Variants in RBFOX3 observed in about 807,000 individuals in gnomAD.
RBFOX3 encodes RNA binding fox-1 homolog 3, also known as RNA binding protein fox-1 homolog 3.
A neutral mutation model predicts 48.7 loss-of-function variants in RBFOX3; 17 were observed. That is an observed-to-expected ratio of 0.35 (90% confidence interval 0.24 to 0.52). The LOEUF is 0.52. RBFOX3 is among the 20% of genes least tolerant of loss of function. RBFOX3 has a pLI of 0.94. For synonymous variants in RBFOX3, 212 were observed against 209.5 expected, an observed-to-expected ratio of 1.01 and a Z score of -0.10; for missense variants, 382 against 497.5, an observed-to-expected ratio of 0.77 and a Z score of 2.21.
intron 1 of RBFOX3, among the ~76,000 whole-genome samples, chr17:79,547,965 C>T (rs1568403807): frequency 6.6e-6 from 1 of 152,182 alleles, no homozygotes; most frequent in Non-Finnish European, 1.5e-5. Context: ...CTGGCCATCC[C>T]CTGACCTCCT....
chr17:79,127,525 A>C (rs1029516436), intron 4 of RBFOX3, among the ~76,000 whole-genome samples: 3 of 152,144 alleles, frequency 2.0e-5, no homozygotes, highest in African/African-American at 7.2e-5. Context: ...TGCATATTAC[A>C]GGTCAAAGAA....
At chr17:79,599,479 A>C (rs1372721276) in intron 1 of RBFOX3, 6 of 152,250 alleles carry the variant, frequency 3.9e-5, no homozygotes, top group African/African-American at 1.4e-4. Flanking sequence ...GCACGCTGCT[A>C]TTCGTGCCGT....
At chr17:79,460,278 TA>T (rs1476876245) in intron 2 of RBFOX3, among the ~76,000 whole-genome samples, 7 of 150,454 alleles carry the variant, frequency 4.7e-5, no homozygotes, top group Non-Finnish European at 7.4e-5. Flanking sequence ...TTTACCTCAT[TA>T]AAAAAAAATG....
chr17:79,592,627 C>T (rs1010154366), intron 1 of RBFOX3, among the ~76,000 whole-genome samples: 4 of 152,150 alleles, frequency 2.6e-5, no homozygotes, highest in South Asian at 2.1e-4. Context: ...CTCCCACCTG[C>T]GCTGTGAACA....
the RBFOX3 span, among the ~76,000 whole-genome samples, chr17:79,651,504 A>G: frequency 2.0e-5 from 3 of 151,964 alleles, no homozygotes; most frequent in Non-Finnish European, 4.4e-5. Context: ...TCTGTGACTG[A>G]TGGAGTGTGG....
intron 1 of RBFOX3, among the ~76,000 whole-genome samples, chr17:79,581,292 A>C (rs1305986145): frequency 3.3e-5 from 5 of 152,164 alleles, no homozygotes; most frequent in Admixed American, 2.0e-4. Flanking sequence ...CCAAAAAAAA[A>C]CACCAGTGCA....
intron 2 of RBFOX3, among the ~76,000 whole-genome samples, chr17:79,444,843 T>C (rs1445094334): frequency 6.6e-6 from 1 of 152,124 alleles, no homozygotes; most frequent in African/African-American, 2.4e-5. Context: ...ATATTATATA[T>C]TCTTCCAGAA....
At chr17:79,518,808 G>A (rs1714094682) in intron 1 of RBFOX3, among the ~76,000 whole-genome samples, 1 of 152,254 alleles carries the variant, frequency 6.6e-6, no homozygotes, top group African/African-American at 2.4e-5. Context: ...GCCGCAGAGT[G>A]GTGTCTAGCT....
chr17:79,138,309 G>A (rs1043475548), intron 4 of RBFOX3, among the ~76,000 whole-genome samples: 1 of 150,182 alleles, frequency 6.7e-6, no homozygotes. Flanking sequence ...CGCACACTGT[G>A]TGGACTCACC....
chr17:79,356,356 T>G (rs1441381122), intron 2 of RBFOX3, among the ~76,000 whole-genome samples: 4 of 59,766 alleles, frequency 6.7e-5, no homozygotes, highest in South Asian at 7.2e-4. Context: ...AAGTTTTTTT[T>G]TTTTTTTTTT....
At chr17:79,606,241 T>C (rs952773152) in intron 1 of RBFOX3, among the ~76,000 whole-genome samples, 5 of 152,236 alleles carry the variant, frequency 3.3e-5, no homozygotes, top group Non-Finnish European at 7.3e-5. Context: ...AGAGGCCTGA[T>C]GACACCAAGC....
intron 2 of RBFOX3, among the ~76,000 whole-genome samples, chr17:79,356,687 T>A (rs1396746683): frequency 1.3e-5 from 2 of 151,136 alleles, no homozygotes; most frequent in African/African-American, 4.9e-5. Flanking sequence ...TTTTTTTTTT[T>A]ATGCCATCAG....
At position 79,363,759 on chromosome 17, in the gene RBFOX3, G is replaced by C. The variant is rs879534193; in HGVS notation, c.-174-55935C>G. Reference sequence around the variant, plus strand: ...GCCCTCCAGCCTCCATGCTCAGCCCGTCCGCCCCCCAGCAGCCTGGGTCTG... The same window carrying C: ...GCCCTCCAGCCTCCATGCTCAGCCCCTCCGCCCCCCAGCAGCCTGGGTCTG... On this transcript the variant is annotated intron_variant, in intron 2 of 14. Coordinates refer to ENST00000693108, the MANE Select transcript of RBFOX3 (RefSeq NM_001350451.2). This position sits in a 1 kb window ranked among gnomAD's most constrained non-coding sequence, Gnocchi z 4.7. 6.6e-6 allele frequency among the ~76,000 whole-genome samples: 1 copy of C among 151,874 alleles called. No individual in the cohort carries two copies. The highest frequency in any genetic ancestry group is 2.4e-5 in the African/African-American group (1 of 41,318).
intron 4 of RBFOX3, among the ~76,000 whole-genome samples, chr17:79,216,286 C>T (rs1030436736): frequency 6.6e-6 from 1 of 152,206 alleles, no homozygotes; most frequent in Non-Finnish European, 1.5e-5. Flanking sequence ...GTGGTCTCTG[C>T]GGTGTGTGGC....
intron 4 of RBFOX3, among the ~76,000 whole-genome samples, chr17:79,191,570 C>T (rs1027916781): frequency 1.3e-5 from 2 of 152,192 alleles, no homozygotes; most frequent in Admixed American, 6.5e-5. Flanking sequence ...CCTGGGGAGG[C>T]CGATGCACTG....
chr17:79,503,582 C>G (rs2082657671), intron 1 of RBFOX3, among the ~76,000 whole-genome samples: 1 of 152,204 alleles, frequency 6.6e-6, no homozygotes, highest in Non-Finnish European at 1.5e-5. Context: ...GCCAGCCTGT[C>G]TCCACCCAAA....
At chr17:79,654,744 G>A in the RBFOX3 span, among the ~76,000 whole-genome samples, 4 of 152,282 alleles carry the variant, frequency 2.6e-5, no homozygotes, top group Admixed American at 6.5e-5. Context: ...TTTTTAAAAT[G>A]CTATCTCATT....
chr17:79,453,572 C>G lies in RBFOX3; in HGVS notation c.-175+28882G>C, dbSNP rs1213611351. On this transcript the variant is annotated intron_variant, in intron 2 of 14. Coordinates refer to ENST00000693108, the MANE Select transcript of RBFOX3 (RefSeq NM_001350451.2). ...CGCCTGCTGCAGCCCCACAGCCCCACAGGGGTTATGGAGAGAAATAGTGCC... is the reference window on the plus strand; with the variant it reads ...CGCCTGCTGCAGCCCCACAGCCCCAGAGGGGTTATGGAGAGAAATAGTGCC... 5.9e-5 allele frequency among the ~76,000 whole-genome samples: 9 copies of G among 152,192 alleles called. 1 individual carries two copies. Among genetic ancestry groups the G allele is most frequent in the African/African-American group, 2.2e-4 (9 of 41,442 alleles).
chr17:79,240,622 C>G (rs984775688), intron 3 of RBFOX3, among the ~76,000 whole-genome samples: 1 of 152,172 alleles, frequency 6.6e-6, no homozygotes, highest in Non-Finnish European at 1.5e-5. Flanking sequence ...AGAAAGGATA[C>G]TCTGATGTTT....
Sources: gnomAD v4.1 joint callset for allele counts (sites outside exome capture counted in the v4.1 genomes callset) on GRCh38, gnomAD v4.1.1 for gene constraint, Gnocchi (gnomAD v3.1) non-coding constraint, MANE v1.5 for transcripts, NCBI Gene and HGNC (gene_info 2026-07-23, HGNC 2026-07-21) for gene names.